NRG3: variants seen among roughly 807,000 people sequenced by gnomAD.
NRG3 encodes pro-neuregulin-3, membrane-bound isoform.
In NRG3, 31 loss-of-function variants were observed where a neutral mutation model predicts 66.9. The ratio of observed to expected loss-of-function variants is 0.46; its 90% CI spans 0.35 to 0.63. The LOEUF is 0.63. NRG3 is among the 20% of genes least tolerant of loss of function. The pLI is 0.00. For synonymous variants in NRG3, 393 were observed against 359.4 expected, an observed-to-expected ratio of 1.09 and a Z score of -1.06; for missense variants, 910 against 878.9, an observed-to-expected ratio of 1.04 and a Z score of -0.45.
At chr10:82,351,035 G>A (rs995572392) in intron 1 of NRG3, among the ~76,000 whole-genome samples, 4 of 152,206 alleles carry the variant, frequency 2.6e-5, no homozygotes, top group South Asian at 4.2e-4. Flanking sequence ...GGGACTACAG[G>A]CGCCCGCCAC....
intron 2 of NRG3, among the ~76,000 whole-genome samples, chr10:82,711,766 T>G (rs1200046917): frequency 6.6e-6 from 1 of 152,158 alleles, no homozygotes; most frequent in Non-Finnish European, 1.5e-5. Flanking sequence ...TACACCATCT[T>G]TACTGCCATT....
intron 3 of NRG3, among the ~76,000 whole-genome samples, chr10:82,791,710 T>C (rs1242158213): frequency 6.6e-6 from 1 of 152,214 alleles, no homozygotes; most frequent in East Asian, 1.9e-4. Context: ...CCCCATATTT[T>C]CATCTTAAGC....
chr10:82,055,437 A>G lies in NRG3; in HGVS notation c.823+179274A>G, dbSNP rs531094873. Reference sequence around the variant, plus strand: ...GTTTGCAGTGAACCAAGATTGCACCACTGCCCTCCAGCCTGGGCGACAGAG... The same window carrying G: ...GTTTGCAGTGAACCAAGATTGCACCGCTGCCCTCCAGCCTGGGCGACAGAG... On this transcript the variant is annotated intron_variant, in intron 1 of 8. Coordinates refer to ENST00000372141, the MANE Select transcript of NRG3 (RefSeq NM_001010848.4). 1.1e-4 allele frequency among the ~76,000 whole-genome samples: 16 copies of G among 149,460 alleles called. No homozygotes were observed. The South Asian group carries it at 1.7e-3, about 16-fold the overall frequency.
At chr10:82,569,999 AG>A (rs1490229180) in intron 2 of NRG3, among the ~76,000 whole-genome samples, 1 of 151,624 alleles carries the variant, frequency 6.6e-6, no homozygotes, top group Non-Finnish European at 1.5e-5. Context: ...GTTAAAATCT[AG>A]GTTTTCTCTT....
intron 4 of NRG3, among the ~76,000 whole-genome samples, chr10:82,943,438 G>A (rs1017241262): frequency 6.6e-6 from 1 of 151,034 alleles, no homozygotes; most frequent in African/African-American, 2.5e-5. Flanking sequence ...TCAGAACCAG[G>A]GAAGCCAATG....
chr10:82,327,430 A>G (rs996716196), intron 1 of NRG3, among the ~76,000 whole-genome samples: 6 of 152,228 alleles, frequency 3.9e-5, no homozygotes, highest in African/African-American at 1.4e-4. Context: ...GACAGGGATT[A>G]AAAATATTAT....
chr10:82,706,615 A>G (rs1341393449), intron 2 of NRG3, among the ~76,000 whole-genome samples: 5 of 152,010 alleles, frequency 3.3e-5, no homozygotes. Context: ...ATTATGCTTT[A>G]TAAATCTAAC....
At chr10:82,361,331 T>C (rs1304193136) in intron 2 of NRG3, among the ~76,000 whole-genome samples, 1 of 152,176 alleles carries the variant, frequency 6.6e-6, no homozygotes, top group Admixed American at 6.5e-5. Flanking sequence ...AAGACTAGCC[T>C]AAGACAAAAT....
intron 8 of NRG3, among the ~76,000 whole-genome samples, chr10:82,979,623 C>A (rs1852638588): frequency 6.6e-6 from 1 of 152,110 alleles, no homozygotes; most frequent in Non-Finnish European, 1.5e-5. Flanking sequence ...CTCATATATG[C>A]AAGTTAGGGG....
At chr10:82,030,673 A>G (rs2062525699) in intron 1 of NRG3, among the ~76,000 whole-genome samples, 1 of 150,580 alleles carries the variant, frequency 6.6e-6, no homozygotes, top group African/African-American at 2.5e-5. Flanking sequence ...GGAATTATGC[A>G]CTTCCCAACA....
intron 4 of NRG3, among the ~76,000 whole-genome samples, chr10:82,937,267 T>A (rs1191671323): frequency 6.6e-6 from 1 of 152,242 alleles, no homozygotes; most frequent in Non-Finnish European, 1.5e-5. Flanking sequence ...CCAGACACTG[T>A]GCTCAGTAAA....
At chr10:82,940,139 A>G (rs1011691602) in intron 4 of NRG3, among the ~76,000 whole-genome samples, 3 of 152,164 alleles carry the variant, frequency 2.0e-5, no homozygotes, top group Admixed American at 6.5e-5. Context: ...GAAGCTTGGG[A>G]AGAATTTTCA....
chr10:82,797,403 C>A (rs993401364), intron 3 of NRG3, among the ~76,000 whole-genome samples: 1 of 152,166 alleles, frequency 6.6e-6, no homozygotes, highest in African/African-American at 2.4e-5. Context: ...CTTGACTATC[C>A]AGGTGCCTTT....
intron 1 of NRG3, among the ~76,000 whole-genome samples, chr10:82,098,656 T>G (rs2066527137): frequency 6.6e-6 from 1 of 152,214 alleles, no homozygotes; most frequent in South Asian, 2.1e-4. Context: ...TTTCTCCCAG[T>G]AAGCATATAT....
chr10:82,626,593 C>A (rs572151270), intron 2 of NRG3, among the ~76,000 whole-genome samples: 29 of 152,206 alleles, frequency 1.9e-4, no homozygotes, highest in Non-Finnish European at 3.7e-4. Flanking sequence ...GAGTAGAGAG[C>A]ATTACCTTTA....
chr10:82,863,322 C>G (rs892677249), intron 3 of NRG3, among the ~76,000 whole-genome samples: 1 of 152,146 alleles, frequency 6.6e-6, no homozygotes, highest in African/African-American at 2.4e-5. Flanking sequence ...AATGAACATA[C>G]ATTTGCATGT....
intron 1 of NRG3, among the ~76,000 whole-genome samples, chr10:81,946,268 C>T (rs1355654545): frequency 2.0e-5 from 3 of 152,124 alleles, no homozygotes; most frequent in African/African-American, 4.8e-5. Context: ...CTACCCACCT[C>T]GGCCTCCCAA....
intron 1 of NRG3, among the ~76,000 whole-genome samples, chr10:82,157,975 G>A (rs1407877200): frequency 2.0e-5 from 3 of 151,838 alleles, no homozygotes; most frequent in Admixed American, 6.6e-5. Flanking sequence ...ATCAAGGAAC[G>A]TGATTAGCAT....
At position 82,493,374 on chromosome 10, in the gene NRG3, T is replaced by G. The variant is rs906479030; in HGVS notation, c.953+134506T>G. Among the ~76,000 whole-genome samples, 3 of 152,124 alleles carry G rather than the reference T, an allele frequency of 2.0e-5. No homozygotes were observed. The East Asian group carries it at 5.8e-4, about 29-fold the overall frequency. On this transcript the variant is annotated intron_variant, in intron 2 of 8. Coordinates refer to ENST00000372141, the MANE Select transcript of NRG3 (RefSeq NM_001010848.4). Reference sequence around the variant, plus strand: ...CAGCTCCTACTTATAAGTGAGGACATGCGATGTTTGGTTTTCTGTTTCTGT... The same window carrying G: ...CAGCTCCTACTTATAAGTGAGGACAGGCGATGTTTGGTTTTCTGTTTCTGT...
Sources: allele counts gnomAD v4.1 joint callset (sites outside exome capture counted in the v4.1 genomes callset), GRCh38; gene constraint gnomAD v4.1.1; transcripts MANE v1.5; gene names NCBI Gene and HGNC (gene_info 2026-07-23, HGNC 2026-07-21).